SHISA9: variants seen among roughly 807,000 people sequenced by gnomAD.
The protein encoded by SHISA9 is protein shisa-9.
Under a neutral mutation model 38.0 loss-of-function variants are expected in SHISA9, and 13 were observed. The observed-to-expected ratio is 0.34, with a 90% confidence interval of 0.22 to 0.54. SHISA9 has a LOEUF of 0.54. Ranked by LOEUF, SHISA9 falls within the 20% of genes least tolerant of loss-of-function variation. The pLI is 0.91. For synonymous variants in SHISA9, 275 were observed against 242.0 expected, an observed-to-expected ratio of 1.14 and a Z score of -1.27; for missense variants, 538 against 575.8, an observed-to-expected ratio of 0.93 and a Z score of 0.67.
chr16:13,144,075 G>A (rs1293992415), intron 2 of SHISA9, among the ~76,000 whole-genome samples: 2 of 151,574 alleles, frequency 1.3e-5, no homozygotes, highest in Admixed American at 6.6e-5. Flanking sequence ...TTGAAGGTAT[G>A]GATGATCAAG....
At chr16:12,937,697 G>A (rs1246946965) in intron 2 of SHISA9, among the ~76,000 whole-genome samples, 1 of 152,104 alleles carries the variant, frequency 6.6e-6, no homozygotes, top group Non-Finnish European at 1.5e-5. Flanking sequence ...TTCTGATAAG[G>A]GGACCCACCC....
chr16:12,970,765 C>T (rs2072070923), intron 2 of SHISA9, among the ~76,000 whole-genome samples: 2 of 151,556 alleles, frequency 1.3e-5, no homozygotes, highest in Admixed American at 1.3e-4. Context: ...CTCAGGTGAT[C>T]TGCCCACCTC....
chr16:12,985,973 C>G (rs545131992), intron 2 of SHISA9, among the ~76,000 whole-genome samples: 3 of 152,172 alleles, frequency 2.0e-5, no homozygotes, highest in African/African-American at 7.2e-5. Flanking sequence ...GCGGTGGGGC[C>G]GACTTACACT....
the SHISA9 span, among the ~76,000 whole-genome samples, chr16:13,446,324 T>A: frequency 1.3e-5 from 2 of 152,212 alleles, no homozygotes; most frequent in Non-Finnish European, 2.9e-5. Context: ...ACATTCAATA[T>A]AATGAAAAAC....
chr16:13,095,606 A>G (rs2073817296), intron 2 of SHISA9, among the ~76,000 whole-genome samples: 1 of 152,244 alleles, frequency 6.6e-6, no homozygotes, highest in Non-Finnish European at 1.5e-5. Context: ...GACCATCTTC[A>G]TTTAACTGAA....
chr16:13,290,207 T>C, the SHISA9 span, among the ~76,000 whole-genome samples: 1 of 152,170 alleles, frequency 6.6e-6, no homozygotes, highest in African/African-American at 2.4e-5. Context: ...AGCAATAATG[T>C]TGAATTTTTG....
At chr16:13,338,825 C>T in the SHISA9 span, among the ~76,000 whole-genome samples, 5 of 152,074 alleles carry the variant, frequency 3.3e-5, no homozygotes, top group East Asian at 1.9e-4. Flanking sequence ...GCAAAAGTCA[C>T]GATAATGGAA....
At chr16:13,016,516 G>T (rs1255506045) in intron 2 of SHISA9, among the ~76,000 whole-genome samples, 2 of 152,192 alleles carry the variant, frequency 1.3e-5, no homozygotes, top group African/African-American at 4.8e-5. Flanking sequence ...TAATGCCTCT[G>T]GGAAGAAGAC....
the SHISA9 span, among the ~76,000 whole-genome samples, chr16:13,418,309 T>C: frequency 6.6e-6 from 1 of 152,310 alleles, no homozygotes; most frequent in East Asian, 1.9e-4. Context: ...CCTATGATTC[T>C]ATGGATCAGG....
the SHISA9 span, among the ~76,000 whole-genome samples, chr16:13,561,691 G>A: frequency 6.6e-6 from 1 of 152,212 alleles, no homozygotes; most frequent in African/African-American, 2.4e-5. Flanking sequence ...GTGCCATGCA[G>A]GTCAAGGTAG....
At chr16:12,989,902 G>A (rs181470137) in intron 2 of SHISA9, among the ~76,000 whole-genome samples, 1 of 152,190 alleles carries the variant, frequency 6.6e-6, no homozygotes, top group East Asian at 1.9e-4. Flanking sequence ...AGCCGAGCAC[G>A]CATTAGCTAT....
At chr16:13,442,723 G>A in the SHISA9 span, among the ~76,000 whole-genome samples, 1 of 152,124 alleles carries the variant, frequency 6.6e-6, no homozygotes, top group Non-Finnish European at 1.5e-5. Context: ...AGAGGCTGAG[G>A]CAGGAGGATC....
intron 2 of SHISA9, among the ~76,000 whole-genome samples, chr16:12,919,985 C>G (rs1369574888): frequency 6.6e-6 from 1 of 152,190 alleles, no homozygotes; most frequent in South Asian, 2.1e-4. Flanking sequence ...CTCCTGCACC[C>G]CGACTTCCCT....
At chr16:13,234,309 T>TA (rs1337004672) in intron 4 of SHISA9, among the ~76,000 whole-genome samples, 1 of 152,224 alleles carries the variant, frequency 6.6e-6, no homozygotes, top group Non-Finnish European at 1.5e-5. Context: ...ATGACGATGA[T>TA]AATGGTGGTA....
At chr16:13,490,638 A>T in the SHISA9 span, among the ~76,000 whole-genome samples, 2 of 152,162 alleles carry the variant, frequency 1.3e-5, no homozygotes, top group Non-Finnish European at 2.9e-5. Flanking sequence ...TTTCCTCTGG[A>T]AACGACAGGC....
At chr16:13,160,026 A>G (rs966146420) in intron 2 of SHISA9, among the ~76,000 whole-genome samples, 2 of 152,250 alleles carry the variant, frequency 1.3e-5, no homozygotes, top group African/African-American at 2.4e-5. Context: ...AAATAATTCT[A>G]TATTGCTATG....
At chr16:13,308,281 T>C in the SHISA9 span, among the ~76,000 whole-genome samples, 2 of 152,044 alleles carry the variant, frequency 1.3e-5, no homozygotes, top group African/African-American at 4.8e-5. Flanking sequence ...GAAGCTTGTC[T>C]GGTGTGTATG....
the SHISA9 span, among the ~76,000 whole-genome samples, chr16:13,446,101 C>T: frequency 6.6e-6 from 1 of 152,026 alleles, no homozygotes; most frequent in African/African-American, 2.4e-5. Flanking sequence ...CGCCACCATG[C>T]CCAGTTAGTT....
the SHISA9 span, among the ~76,000 whole-genome samples, chr16:13,258,816 C>T: frequency 6.6e-6 from 1 of 152,154 alleles, no homozygotes; most frequent in Non-Finnish European, 1.5e-5. Context: ...GATTCAATTA[C>T]CTCCCTCTGG....
Sources: allele counts gnomAD v4.1 joint callset (sites outside exome capture counted in the v4.1 genomes callset), GRCh38; gene constraint gnomAD v4.1.1; transcripts MANE v1.5; gene names NCBI Gene and HGNC (gene_info 2026-07-23, HGNC 2026-07-21).